The following LGR6 variants were observed in gnomAD, a reference collection of about 807,000 sequenced individuals.
The protein encoded by LGR6 is leucine rich repeat containing G protein-coupled receptor 6.
Under a neutral mutation model 69.4 loss-of-function variants are expected in LGR6, and 45 were observed. The observed-to-expected ratio is 0.65, with a 90% confidence interval of 0.51 to 0.83. The LOEUF is 0.83. Ranked by LOEUF, LGR6 falls within the 40% of genes least tolerant of loss-of-function variation. LGR6 has a pLI of 0.00. For missense variants in LGR6, 1,108 were observed against 1,246.7 expected (o/e 0.89, Z 1.68); for synonymous variants, 538 against 555.0 (o/e 0.97, Z 0.43).
Position 202,318,160 on chromosome 1 carries a change from C to T in LGR6, c.1857C>T (p.Ala619=), listed in dbSNP as rs148517456. 141 of 1,613,976 alleles carry T rather than the reference C, an allele frequency of 8.7e-5. No homozygotes were observed. In the African/African-American group the frequency reaches 1.7e-3, roughly 20 times the overall value. Residue 619 remains alanine (A), a synonymous_variant, in exon 18 of 18, where the codon GCC becomes GCT. Coordinates refer to ENST00000367278, the MANE Select transcript of LGR6 (RefSeq NM_001017403.2). The part of the protein sequence containing the change: ...TLTGISCGLL[A]SVDALTFGQF... Reference sequence around the variant, plus strand: ...CTGGCATTTCCTGTGGCCTTCTAGCCTCAGTCGATGCCCTGACCTTTGGTC... The same window carrying T: ...CTGGCATTTCCTGTGGCCTTCTAGCTTCAGTCGATGCCCTGACCTTTGGTC...
rs1380034472 is a variant in LGR6 at position 202,271,829 on chromosome 1, AGAG to A, written c.429-4476_429-4474del. Among the ~76,000 whole-genome samples, 24 of 145,308 alleles carry A rather than the reference AGAG, an allele frequency of 1.7e-4. No individual in the cohort carries two copies. The East Asian group carries it at 2.5e-3, about 15-fold the overall frequency. On this transcript the variant is annotated intron_variant, in intron 4 of 17. Transcript: ENST00000367278. ...GTCTCAAAAAAAAAAAAAAAAAAAA[AGAG>A]AGAGGGGAGAGAGGAGAAAGTTTAA... is the stretch of plus-strand genomic sequence containing the variant.
rs562867688 is a variant in LGR6, at chr1:202,220,089, A to G, written c.213-5334A>G. 3.8e-4 allele frequency among the ~76,000 whole-genome samples: 58 copies of G among 152,238 alleles called. 1 individual carries two copies. The highest frequency in any genetic ancestry group is 1.4e-3 in the African/African-American group (58 of 41,528). On this transcript the variant is annotated intron_variant, in intron 1 of 17. Transcript: ENST00000367278. ...GAGACAGGGTTTCGCCATTTTGGCC[A>G]GGCTGGTCTCGAACTCCTGACCTCA...
At chr1:202,282,101 C>T (rs1011534163) in intron 6 of LGR6, among the ~76,000 whole-genome samples, 12 of 152,192 alleles carry the variant, frequency 7.9e-5, no homozygotes, top group Non-Finnish European at 1.3e-4. Context: ...CCCAGCTTTG[C>T]CGGCATGCTC....
intron 16 of LGR6, among the ~76,000 whole-genome samples, chr1:202,312,556 G>T (rs956992442): frequency 6.6e-6 from 1 of 152,198 alleles, no homozygotes; most frequent in Non-Finnish European, 1.5e-5. Flanking sequence ...ACAGGAAACA[G>T]ACTTTGTGAA....
At chr1:202,291,882 T>A (rs1666818079) in intron 6 of LGR6, among the ~76,000 whole-genome samples, 1 of 152,250 alleles carries the variant, frequency 6.6e-6, no homozygotes, top group Non-Finnish European at 1.5e-5. Flanking sequence ...ACCATTGTAA[T>A]GCTATGCATG....
intron 4 of LGR6, among the ~76,000 whole-genome samples, chr1:202,260,661 T>G (rs1228800506): frequency 6.6e-6 from 1 of 152,234 alleles, no homozygotes; most frequent in East Asian, 1.9e-4. Context: ...TTATCTCTCT[T>G]GATTGCCTGT....
At position 202,318,181 on chromosome 1, in the gene LGR6, T is replaced by C; in HGVS notation, c.1878T>C (p.Phe626=). 6.2e-7 allele frequency: 1 copy of C among 1,613,618 alleles called. No individual in the cohort carries two copies. The highest frequency in any genetic ancestry group is 8.5e-7 in the Non-Finnish European group (1 of 1,179,992). The change falls in exon 18 of 18, where the codon TTT becomes TTC. Residue 626 remains phenylalanine, a synonymous_variant. Coordinates refer to ENST00000367278, the MANE Select transcript of LGR6 (RefSeq NM_001017403.2). ...TAGCCTCAGTCGATGCCCTGACCTT[T>C]GGTCAGTTCTCTGAGTACGGAGCCC... is the stretch of plus-strand genomic sequence containing the variant. ...GLLASVDALT[F]GQFSEYGARW... is the part of the protein sequence containing the mutation.
In LGR6 at chr1:202,316,878, C is replaced by A. The variant is rs578107380; in HGVS notation, c.1649-1074C>A. The stretch of plus-strand genomic sequence containing the variant: ...AGTTACAAGGTGATTTAGGAACAGA[C>A]TTTGGAGAGAGGGATGGAAAACACC... On this transcript the variant is annotated intron_variant, in intron 17 of 17. Transcript: ENST00000367278. Among the ~76,000 whole-genome samples the A allele has an allele frequency of 2.5e-3, 384 of 152,168 alleles. 1 individual carries two copies. Among genetic ancestry groups the A allele is most frequent in the African/African-American group, 9.0e-3 (373 of 41,518 alleles).
At chr1:202,264,820 A>G (rs1047959083) in intron 4 of LGR6, among the ~76,000 whole-genome samples, 2 of 152,086 alleles carry the variant, frequency 1.3e-5, no homozygotes, top group Non-Finnish European at 1.5e-5. Context: ...TCATCCTTTG[A>G]TGTATACAAA....
chr1:202,266,122 A>G (rs1452530511), intron 4 of LGR6, among the ~76,000 whole-genome samples: 1 of 146,276 alleles, frequency 6.8e-6, no homozygotes, highest in Non-Finnish European at 1.5e-5. Context: ...AAAAAAAAAA[A>G]TAACAGGCAG....
intron 4 of LGR6, among the ~76,000 whole-genome samples, chr1:202,242,173 T>C (rs1297330602): frequency 6.6e-6 from 1 of 152,122 alleles, no homozygotes; most frequent in African/African-American, 2.4e-5. Context: ...CCCAAAGCCC[T>C]GTAAAATAGT....
intron 2 of LGR6, 49 bp from the exon 3 acceptor site, chr1:202,227,887 C>T: frequency 7.3e-7 from 1 of 1,375,962 alleles, no homozygotes; most frequent in Non-Finnish European, 1.0e-6. Flanking sequence ...AGGTCACCAC[C>T]TCCTTGGGTT....
At chr1:202,313,024 C>T (rs765841253) in intron 16 of LGR6, among the ~76,000 whole-genome samples, 1 of 151,870 alleles carries the variant, frequency 6.6e-6, no homozygotes, top group Non-Finnish European at 1.5e-5. Flanking sequence ...GTCAGGAGAT[C>T]CAGACCATCC....
chr1:202,207,710 C>G lies in LGR6; in HGVS notation c.212+13509C>G, dbSNP rs140589975. Among the ~76,000 whole-genome samples, 1,136 of 152,298 alleles carry G rather than the reference C, an allele frequency of 7.5e-3. 12 individuals carry two copies. The highest frequency in any genetic ancestry group is 0.026 in the African/African-American group (1,068 of 41,552). On this transcript the variant is annotated intron_variant, in intron 1 of 17. Coordinates refer to ENST00000367278, the MANE Select transcript of LGR6 (RefSeq NM_001017403.2). ...ACCAATCCTTGGGGAAAGATTTACC[C>G]TCTTTGTGCTTTAGTTTCCTCACCT...
chr1:202,254,899 CAAAAAAA>C (rs71890535), intron 4 of LGR6, among the ~76,000 whole-genome samples: 70,160 of 124,586 alleles, frequency 0.56, 17,317 homozygotes, highest in East Asian at 0.73. Flanking sequence ...TCTGTCTCTA[CAAAAAAA>C]AAAAAAAAAG....
chr1:202,197,354 A>T (rs1430057131), intron 1 of LGR6: 2 of 528,950 alleles, frequency 3.8e-6, no homozygotes, highest in Admixed American at 4.0e-5. Flanking sequence ...GCTCAATGCC[A>T]GCCCTGTTTG....
intron 1 of LGR6, among the ~76,000 whole-genome samples, chr1:202,223,468 C>T (rs993418019): frequency 6.6e-6 from 1 of 152,220 alleles, no homozygotes; most frequent in Non-Finnish European, 1.5e-5. Context: ...AAAGCACACG[C>T]ATTTCTTGGG....
At chr1:202,204,340 C>CTCCACACACACACA (rs1248938077) in intron 1 of LGR6, among the ~76,000 whole-genome samples, 4 of 131,562 alleles carry the variant, frequency 3.0e-5, no homozygotes, top group African/African-American at 1.2e-4. Context: ...ACACACACAC[C>CTCCACACACACACA]TCCACACACA....
At chr1:202,211,682 AAATAT>A (rs1216481908) in intron 1 of LGR6, among the ~76,000 whole-genome samples, 1 of 152,174 alleles carries the variant, frequency 6.6e-6, no homozygotes, top group East Asian at 1.9e-4. Flanking sequence ...TTTTTAAACT[AAATAT>A]AATATACATA....
Sources: allele counts gnomAD v4.1 joint callset (sites outside exome capture counted in the v4.1 genomes callset), GRCh38; gene constraint gnomAD v4.1.1; transcripts MANE v1.5; gene names NCBI Gene and HGNC (gene_info 2026-07-23, HGNC 2026-07-21).